Variants in ARHGAP15 observed in about 807,000 individuals in gnomAD.
The protein encoded by ARHGAP15 is rho GTPase-activating protein 15.
ARHGAP15 carries 51 observed loss-of-function variants against 63.7 expected under a neutral mutation model. The ratio of observed to expected loss-of-function variants is 0.80; its 90% CI spans 0.64 to 1.01. The LOEUF (loss-of-function observed/expected upper bound fraction) is 1.01, where lower values mean the gene tolerates loss of function less well. Ranked by LOEUF, ARHGAP15 falls within the 50% of genes least tolerant of loss-of-function variation. The pLI, the probability that ARHGAP15 is intolerant of heterozygous loss-of-function variation, is 0.00. For missense variants in ARHGAP15, 560 were observed against 564.6 expected (o/e 0.99, Z 0.08); for synonymous variants, 191 against 193.8 (o/e 0.99, Z 0.12).
chr2:143,591,632 T>TTTC (rs1697325299), intron 11 of ARHGAP15, among the ~76,000 whole-genome samples: 10 of 146,840 alleles, frequency 6.8e-5, no homozygotes, highest in African/African-American at 2.6e-4. Context: ...TTTTTCTTTT[T>TTTC]TTTTTTAGAG....
chr2:143,503,537 GC>G (rs1559014232), intron 9 of ARHGAP15, among the ~76,000 whole-genome samples: 3 of 152,288 alleles, frequency 2.0e-5, no homozygotes, highest in South Asian at 4.1e-4. Context: ...TTTATAAAAA[GC>G]AAGTAGCGTA....
chr2:143,179,891 C>CAAAA (rs77160479), intron 2 of ARHGAP15, among the ~76,000 whole-genome samples: 51,719 of 142,300 alleles, frequency 0.36, 9,644 homozygotes, highest in African/African-American at 0.43. Flanking sequence ...GACATTGTCT[C>CAAAA]AAAAAAAAAA....
chr2:143,461,749 G>A (rs1690950530), intron 8 of ARHGAP15, among the ~76,000 whole-genome samples: 1 of 152,150 alleles, frequency 6.6e-6, no homozygotes, highest in African/African-American at 2.4e-5. Context: ...CAAACCGTAG[G>A]TGCTAATCCT....
intron 6 of ARHGAP15, among the ~76,000 whole-genome samples, chr2:143,361,193 C>T (rs1686037962): frequency 6.6e-6 from 1 of 152,118 alleles, no homozygotes; most frequent in African/African-American, 2.4e-5. Flanking sequence ...TAAATGTACT[C>T]AAGATTGAAT....
intron 8 of ARHGAP15, among the ~76,000 whole-genome samples, chr2:143,461,557 G>A (rs530880282): frequency 6.6e-6 from 1 of 152,134 alleles, no homozygotes; most frequent in Admixed American, 6.6e-5. Context: ...CGAGAAAATT[G>A]GTTTTACTCC....
intron 6 of ARHGAP15, among the ~76,000 whole-genome samples, chr2:143,405,217 T>C (rs958587474): frequency 1.3e-5 from 2 of 151,940 alleles, no homozygotes; most frequent in African/African-American, 4.8e-5. Flanking sequence ...TTTGATGTTA[T>C]AATGTATACC....
At chr2:143,265,958 T>G (rs1680969058) in intron 6 of ARHGAP15, among the ~76,000 whole-genome samples, 2 of 152,128 alleles carry the variant, frequency 1.3e-5, no homozygotes, top group Non-Finnish European at 2.9e-5. Flanking sequence ...CTATTTTAGG[T>G]TAACTTCAGG....
intron 2 of ARHGAP15, among the ~76,000 whole-genome samples, chr2:143,197,967 T>TAC (rs5834941): frequency 0.04 from 5,983 of 148,412 alleles, 137 homozygotes; most frequent in African/African-American, 0.054. Context: ...AGTGACTGCC[T>TAC]ACACACACAC....
At chr2:143,725,976 T>C (rs1685255501) in intron 13 of ARHGAP15, among the ~76,000 whole-genome samples, 1 of 152,264 alleles carries the variant, frequency 6.6e-6, no homozygotes, top group Non-Finnish European at 1.5e-5. Flanking sequence ...CTGTCACCTC[T>C]TCTTTGTGCA....
chr2:143,187,002 A>T (rs115732039), intron 2 of ARHGAP15, among the ~76,000 whole-genome samples: 1 of 152,142 alleles, frequency 6.6e-6, no homozygotes, highest in African/African-American at 2.4e-5. Flanking sequence ...GTCTGTAAAC[A>T]GTGGAAATAC....
At chr2:143,279,190 CT>C (rs1172915452) in intron 6 of ARHGAP15, among the ~76,000 whole-genome samples, 7 of 152,114 alleles carry the variant, frequency 4.6e-5, no homozygotes, top group Non-Finnish European at 5.9e-5. Context: ...AGCGGTATCT[CT>C]TTTATGGACT....
At chr2:143,366,817 G>A (rs1051622255) in intron 6 of ARHGAP15, among the ~76,000 whole-genome samples, 10 of 151,924 alleles carry the variant, frequency 6.6e-5, no homozygotes, top group South Asian at 2.1e-4. Flanking sequence ...TGGAAAAATC[G>A]TAGTTATGTA....
chr2:143,327,691 G>A (rs1161705799), intron 6 of ARHGAP15, among the ~76,000 whole-genome samples: 1 of 152,134 alleles, frequency 6.6e-6, no homozygotes. Context: ...CAGGACATAG[G>A]CATGGGCAAA....
intron 6 of ARHGAP15, chr2:143,295,297 T>A (rs1274809688): frequency 6.6e-6 from 1 of 152,052 alleles, no homozygotes; most frequent in East Asian, 1.9e-4. Flanking sequence ...TACAACTCAC[T>A]CTCACCCTGT....
intron 1 of ARHGAP15, among the ~76,000 whole-genome samples, chr2:143,131,842 G>A (rs1688929170): frequency 6.6e-6 from 1 of 152,162 alleles, no homozygotes; most frequent in African/African-American, 2.4e-5. Context: ...GTTGGGGGAA[G>A]ACTTTAGAGG....
At chr2:143,320,835 T>C (rs1347390269) in intron 6 of ARHGAP15, among the ~76,000 whole-genome samples, 1 of 152,122 alleles carries the variant, frequency 6.6e-6, no homozygotes, top group Non-Finnish European at 1.5e-5. Flanking sequence ...AGTGACTTTT[T>C]AAGATTCATA....
At chr2:143,386,220 A>T (rs1007960585) in intron 6 of ARHGAP15, among the ~76,000 whole-genome samples, 6 of 152,142 alleles carry the variant, frequency 3.9e-5, no homozygotes, top group African/African-American at 1.4e-4. Flanking sequence ...CTCAGGTTGG[A>T]TGTTATAAAC....
intron 13 of ARHGAP15, among the ~76,000 whole-genome samples, chr2:143,704,562 A>T (rs1383889970): frequency 6.6e-6 from 1 of 152,222 alleles, no homozygotes; most frequent in Admixed American, 6.5e-5. Flanking sequence ...TAGGAAAAGC[A>T]GGTTTGAGAG....
chr2:143,642,646 T>C (rs1680661462), intron 12 of ARHGAP15, among the ~76,000 whole-genome samples: 1 of 152,100 alleles, frequency 6.6e-6, no homozygotes, highest in African/African-American at 2.4e-5. Context: ...GTACATTCCC[T>C]GAACTAGAGA....
Sources: gnomAD v4.1 joint callset for allele counts (sites outside exome capture counted in the v4.1 genomes callset) on GRCh38, gnomAD v4.1.1 for gene constraint, MANE v1.5 for transcripts, NCBI Gene and HGNC (gene_info 2026-07-23, HGNC 2026-07-21) for gene names.